Variants in ITGB6 observed in about 807,000 individuals in gnomAD.
The protein encoded by ITGB6 is integrin beta-6.
Under a neutral mutation model 84.5 loss-of-function variants are expected in ITGB6, and 80 were observed. The ratio of observed to expected loss-of-function variants is 0.95; its 90% confidence interval spans 0.79 to 1.14. ITGB6 has a LOEUF of 1.14. ITGB6 is among the 50% of genes most tolerant of loss of function. ITGB6 has a pLI of 0.00. For missense variants in ITGB6, 1,006 were observed against 968.0 expected (o/e 1.04, Z -0.52); for synonymous variants, 383 against 354.9 (o/e 1.08, Z -0.89).
intron 7 of ITGB6, among the ~76,000 whole-genome samples, chr2:160,159,307 G>C (rs1327028722): frequency 1.3e-5 from 2 of 152,156 alleles, no homozygotes; most frequent in Non-Finnish European, 2.9e-5. Flanking sequence ...CATTGGGTTT[G>C]TTAGTAAAGC....
intron 10 of ITGB6, among the ~76,000 whole-genome samples, chr2:160,128,288 G>T (rs1683316512): frequency 1.5e-5 from 2 of 131,840 alleles, no homozygotes; most frequent in Non-Finnish European, 3.3e-5. Flanking sequence ...AAAAAAAAAA[G>T]GTTCTATGCA....
chr2:160,120,906 C>A (rs924800802), intron 12 of ITGB6, among the ~76,000 whole-genome samples: 7 of 109,614 alleles, frequency 6.4e-5, no homozygotes, highest in Non-Finnish European at 1.1e-4. Context: ...CTTCAGGGAC[C>A]GTTGTGGGAT....
intron 7 of ITGB6, among the ~76,000 whole-genome samples, chr2:160,145,346 AC>A (rs980848553): frequency 6.6e-6 from 1 of 152,006 alleles, no homozygotes; most frequent in African/African-American, 2.4e-5. Context: ...TGTCCTCCCT[AC>A]CATACCACCC....
intron 10 of ITGB6, among the ~76,000 whole-genome samples, chr2:160,128,981 T>C (rs546758063): frequency 3.3e-5 from 5 of 152,174 alleles, no homozygotes; most frequent in East Asian, 3.9e-4. Flanking sequence ...GAAGCTGTCA[T>C]GGATCAGGTC....
At chr2:160,119,386 G>T (rs1682930298) in intron 12 of ITGB6, among the ~76,000 whole-genome samples, 1 of 151,926 alleles carries the variant, frequency 6.6e-6, no homozygotes, top group Non-Finnish European at 1.5e-5. Flanking sequence ...TCTGATCTTT[G>T]ACAAACCTGA....
chr2:160,143,013 A>C (rs1482615328), intron 7 of ITGB6, among the ~76,000 whole-genome samples: 1 of 152,186 alleles, frequency 6.6e-6, no homozygotes, highest in Non-Finnish European at 1.5e-5. Context: ...TTTTGCCAGG[A>C]ATGCTGGCTC....
intron 7 of ITGB6, among the ~76,000 whole-genome samples, chr2:160,151,177 T>C (rs1341917603): frequency 6.6e-6 from 1 of 152,160 alleles, no homozygotes; most frequent in African/African-American, 2.4e-5. Flanking sequence ...TCTTTTAAAA[T>C]TGACCACATA....
chr2:160,120,828 A>T (rs975901219), intron 12 of ITGB6, among the ~76,000 whole-genome samples: 1 of 147,114 alleles, frequency 6.8e-6, no homozygotes, highest in Admixed American at 6.9e-5. Flanking sequence ...ACCAAACACC[A>T]CATGTTCTCA....
intron 2 of ITGB6, among the ~76,000 whole-genome samples, chr2:160,197,373 C>T (rs1686385305): frequency 6.6e-6 from 1 of 152,122 alleles, no homozygotes; most frequent in Admixed American, 6.6e-5. Flanking sequence ...GAGATGTAGT[C>T]TTTCCCAGCA....
chr2:160,124,006 A>G (rs1020031063), intron 11 of ITGB6, 118 bp from the exon 12 acceptor site: 19 of 639,342 alleles, frequency 3.0e-5, no homozygotes, highest in Non-Finnish European at 4.9e-5. Flanking sequence ...CATAGATGTC[A>G]TTATCTTTTG....
intron 4 of ITGB6, among the ~76,000 whole-genome samples, chr2:160,175,787 T>C (rs1160142634): frequency 6.6e-6 from 1 of 152,166 alleles, no homozygotes; most frequent in Non-Finnish European, 1.5e-5. Flanking sequence ...TAAAATAAGT[T>C]TGTGTAGTGA....
intron 7 of ITGB6, among the ~76,000 whole-genome samples, chr2:160,146,654 TTCTC>T (rs149103353): frequency 2.0e-5 from 3 of 151,596 alleles, no homozygotes; most frequent in African/African-American, 7.3e-5. Context: ...GCGGCTAGCA[TTCTC>T]TCTCTCTCTC....
intron 12 of ITGB6, among the ~76,000 whole-genome samples, chr2:160,120,037 G>A (rs1030673938): frequency 6.6e-6 from 1 of 150,908 alleles, no homozygotes; most frequent in South Asian, 2.1e-4. Flanking sequence ...GAGAGGATGT[G>A]GAGAAATAGG....
At chr2:160,120,634 A>T (rs1185152835) in intron 12 of ITGB6, among the ~76,000 whole-genome samples, 24 of 48,130 alleles carry the variant, frequency 5.0e-4, no homozygotes, top group East Asian at 2.4e-3. Flanking sequence ...AACCTGCACA[A>T]TGTGCACATG....
Position 160,134,989 on chromosome 2 carries a change from T to A in ITGB6, c.1660+2445A>T, listed in dbSNP as rs529771262. On this transcript the variant is annotated intron_variant, in intron 10 of 14. Transcript: ENST00000283249. ...AACTGGAAGCATTCCCTTTGAAAAC[T>A]GGCACAAGACAGGGATGCCCTCTCT... Among the ~76,000 whole-genome samples, 243 of 152,204 alleles carry A rather than the reference T, an allele frequency of 1.6e-3. 1 individual carries two copies. Among genetic ancestry groups the A allele is most frequent in the East Asian group, 6.9e-3 (36 of 5,180 alleles).
chr2:160,137,985 G>T (rs545849688), intron 9 of ITGB6, 80 bp downstream of exon 9: 9 of 1,535,138 alleles, frequency 5.9e-6, no homozygotes, highest in African/African-American at 1.4e-5. Context: ...ATTCTTGAAA[G>T]AAATCCAGCT....
At position 160,186,962 on chromosome 2, in the gene ITGB6, C is replaced by CG. The variant is rs1355276059; in HGVS notation, c.593+8406dup. Among the ~76,000 whole-genome samples, 23 of 92,730 alleles carry CG rather than the reference C, an allele frequency of 2.5e-4. No individual in the cohort carries two copies. In the South Asian group the frequency reaches 4.0e-3, roughly 16 times the overall value. 60.8% of individuals were successfully genotyped at this position (92,730 alleles called of 152,430 possible). ...GGGAACATCACACACCAGGGCCTGT[C>CG]GGGGGGGTGGGAGGCTAGGGGGAGG... is the stretch of plus-strand genomic sequence containing the variant. On this transcript the variant is annotated intron_variant, in intron 4 of 14. Transcript: ENST00000283249.
At chr2:160,173,173 T>C (rs1685284197) in intron 5 of ITGB6, among the ~76,000 whole-genome samples, 1 of 152,178 alleles carries the variant, frequency 6.6e-6, no homozygotes, top group Non-Finnish European at 1.5e-5. Flanking sequence ...TTTAGGCACA[T>C]ATTTCTCTTT....
intron 10 of ITGB6, among the ~76,000 whole-genome samples, chr2:160,136,406 T>G (rs1286974179): frequency 6.6e-6 from 1 of 151,914 alleles, no homozygotes; most frequent in Non-Finnish European, 1.5e-5. Flanking sequence ...AAACAACAGG[T>G]GCTGGAGAGG....
Sources: gnomAD v4.1 joint callset for allele counts (sites outside exome capture counted in the v4.1 genomes callset) on GRCh38, gnomAD v4.1.1 for gene constraint, MANE v1.5 for transcripts, NCBI Gene and HGNC (gene_info 2026-07-23, HGNC 2026-07-21) for gene names.